KLHL29: variants seen among roughly 807,000 people sequenced by gnomAD.
KLHL29 encodes kelch-like protein 29.
A neutral mutation model predicts 80.4 loss-of-function variants in KLHL29; 21 were observed. The ratio of observed to expected loss-of-function variants is 0.26; its 90% CI spans 0.19 to 0.38. The LOEUF is 0.38. Ranked by LOEUF, KLHL29 falls within the 10% of genes least tolerant of loss-of-function variation. KLHL29 has a pLI of 1.00. For synonymous variants in KLHL29, 511 were observed against 526.8 expected (o/e 0.97, Z 0.41); for missense variants, 867 against 1,223.9 (o/e 0.71, Z 4.35).
rs767746170 is a variant in KLHL29, at chr2:23,686,394, G to A, written c.1079+1857G>A. ...CCTGGGTCCTACGCCTGACTCCGCC[G>A]CTTGTCTTGTGACCTCAGACTGGTC... On this transcript the variant is annotated intron_variant, in intron 6 of 13. Transcript: ENST00000486442. Among the ~76,000 whole-genome samples the A allele has an allele frequency of 2.0e-5, 3 of 152,182 alleles. No homozygotes were observed. In the South Asian group the frequency reaches 6.2e-4, roughly 32 times the overall value.
chr2:23,686,383 C>A (rs531807205), intron 6 of KLHL29, among the ~76,000 whole-genome samples: 183 of 152,198 alleles, frequency 1.2e-3, no homozygotes, highest in Non-Finnish European at 2.4e-3. Flanking sequence ...GGTCCTACGC[C>A]TGACTCCGCC....
At chr2:23,451,976 A>C (rs1271083314) in intron 1 of KLHL29, among the ~76,000 whole-genome samples, 3 of 151,890 alleles carry the variant, frequency 2.0e-5, no homozygotes, top group African/African-American at 2.4e-5. Context: ...CTGTCACATG[A>C]CGAGAGGGGG....
intron 3 of KLHL29, among the ~76,000 whole-genome samples, chr2:23,572,480 G>A (rs1289771670): frequency 1.3e-5 from 2 of 152,148 alleles, no homozygotes; most frequent in African/African-American, 4.8e-5. Flanking sequence ...GTCTCCTTAT[G>A]AGGCAGCGAA....
At chr2:23,504,657 TG>T (rs1437323378) in intron 2 of KLHL29, among the ~76,000 whole-genome samples, 1 of 152,162 alleles carries the variant, frequency 6.6e-6, no homozygotes, top group Non-Finnish European at 1.5e-5. Flanking sequence ...AGGCACTAAC[TG>T]GGCCAGAAAA....
intron 2 of KLHL29, among the ~76,000 whole-genome samples, chr2:23,561,201 C>G (rs1431263509): frequency 6.6e-6 from 1 of 152,224 alleles, no homozygotes; most frequent in Non-Finnish European, 1.5e-5. Context: ...GCCTCTGAGA[C>G]CGACAGCTTC....
rs551526332 is a variant in KLHL29 at position 23,431,548 on chromosome 2, G to A, written c.-153-44012G>A. On this transcript the variant is annotated intron_variant, in intron 1 of 13. Coordinates refer to ENST00000486442, the MANE Select transcript of KLHL29 (RefSeq NM_052920.2). Reference sequence around the variant, plus strand: ...CCCTCAGTAGCTGCCGTGAACATGGGCAGTGGGAGATTATTCTTCATTTCA... The same window carrying A: ...CCCTCAGTAGCTGCCGTGAACATGGACAGTGGGAGATTATTCTTCATTTCA... Among the ~76,000 whole-genome samples the A allele has an allele frequency of 2.0e-5, 3 of 152,314 alleles. No individual in the cohort carries two copies. In the East Asian group the frequency reaches 5.8e-4, roughly 29 times the overall value.
At chr2:23,421,554 GTGTGTGTGTGTCTGTAGC>G (rs1662804379) in intron 1 of KLHL29, among the ~76,000 whole-genome samples, 1 of 108,246 alleles carries the variant, frequency 9.2e-6, no homozygotes, top group African/African-American at 4.0e-5. Context: ...GTGTGTGTGT[GTGTGTGTGTGTCTGTAGC>G]TGTGTGTGTC....
At chr2:23,703,426 G>T (rs936688701) in intron 12 of KLHL29, 47 bp downstream of exon 12, 1 of 1,400,366 alleles carries the variant, frequency 7.1e-7, no homozygotes, top group Non-Finnish European at 9.4e-7. Context: ...TCGCATCCCT[G>T]CCTTGCTGAT....
chr2:23,527,597 A>T (rs1390431536), intron 2 of KLHL29, among the ~76,000 whole-genome samples: 2 of 152,230 alleles, frequency 1.3e-5, no homozygotes, highest in South Asian at 4.1e-4. Context: ...AGCCTTTCTC[A>T]GCGAAGAGTC....
intron 1 of KLHL29, among the ~76,000 whole-genome samples, chr2:23,466,137 G>A (rs1664346762): frequency 6.6e-6 from 1 of 152,136 alleles, no homozygotes; most frequent in Non-Finnish European, 1.5e-5. Context: ...TGTGAGTGCT[G>A]ATGGATTACT....
chr2:23,559,978 C>T (rs11885607), intron 2 of KLHL29, among the ~76,000 whole-genome samples: 2,378 of 152,146 alleles, frequency 0.016, 59 homozygotes, highest in African/African-American at 0.054. Flanking sequence ...AGGAGGGTTC[C>T]GGAAAGCAAG....
intron 5 of KLHL29, among the ~76,000 whole-genome samples, chr2:23,650,848 G>A (rs1186362071): frequency 6.6e-6 from 1 of 152,190 alleles, no homozygotes; most frequent in Non-Finnish European, 1.5e-5. Flanking sequence ...TTTTCTAGAG[G>A]TTGGGAGGAG....
intron 1 of KLHL29, among the ~76,000 whole-genome samples, chr2:23,415,224 T>C (rs1444098643): frequency 2.6e-5 from 4 of 152,204 alleles, no homozygotes; most frequent in Non-Finnish European, 5.9e-5. Flanking sequence ...TAAGTGAATT[T>C]GCCATTTTCA....
chr2:23,662,926 TCTC>T (rs1670453656), intron 5 of KLHL29, among the ~76,000 whole-genome samples: 1 of 152,160 alleles, frequency 6.6e-6, no homozygotes, highest in African/African-American at 2.4e-5. Flanking sequence ...CGGATTCAAA[TCTC>T]CACTCTGCCA....
rs769363801 is a variant in KLHL29 at position 23,654,695 on chromosome 2, T to TGGGGG, written c.940+11845_940+11846insGGGGG. Reference sequence around the variant, plus strand: ...CTTCTCTTCCAGAAGGGAACAGAGGTTGGGGGGGGGGGGTGGATGTTTTGT... The same window carrying TGGGGG: ...CTTCTCTTCCAGAAGGGAACAGAGGTGGGGGTGGGGGGGGGGGGTGGATGTTTTGT... On this transcript the variant is annotated intron_variant, in intron 5 of 13. Coordinates refer to ENST00000486442, the MANE Select transcript of KLHL29 (RefSeq NM_052920.2). Among the ~76,000 whole-genome samples, 113 of 34,148 alleles carry TGGGGG rather than the reference T, an allele frequency of 3.3e-3. 11 individuals are homozygous for TGGGGG. Among genetic ancestry groups the TGGGGG allele is most frequent in the Non-Finnish European group, 6.2e-3 (84 of 13,518 alleles). 22.4% of individuals were successfully genotyped at this position (34,148 alleles called of 152,430 possible).
At chr2:23,597,925 C>T (rs1042914699) in intron 3 of KLHL29, among the ~76,000 whole-genome samples, 7 of 152,198 alleles carry the variant, frequency 4.6e-5, no homozygotes, top group African/African-American at 1.7e-4. Flanking sequence ...ACTCCTCCAT[C>T]TCAGTGGGAG....
At chr2:23,703,017 A>G (rs1455844413) in intron 11 of KLHL29, among the ~76,000 whole-genome samples, 169 bp from the exon 12 acceptor site, 1 of 152,234 alleles carries the variant, frequency 6.6e-6, no homozygotes, top group African/African-American at 2.4e-5. Context: ...ACGAGACCCC[A>G]GGAGGTCTTG....
chr2:23,495,702 G>T (rs774956151), intron 2 of KLHL29, among the ~76,000 whole-genome samples: 5 of 152,166 alleles, frequency 3.3e-5, no homozygotes, highest in Non-Finnish European at 7.3e-5. Context: ...TCCTGGCATC[G>T]TGTCAGGGCC....
At chr2:23,493,691 A>G (rs1316930230) in intron 2 of KLHL29, among the ~76,000 whole-genome samples, 1 of 151,882 alleles carries the variant, frequency 6.6e-6, no homozygotes. Context: ...GTGTGTGTGC[A>G]TGTTTATGCG....
Sources: gnomAD v4.1 joint callset for allele counts (sites outside exome capture counted in the v4.1 genomes callset) on GRCh38, gnomAD v4.1.1 for gene constraint, MANE v1.5 for transcripts, NCBI Gene and HGNC (gene_info 2026-07-23, HGNC 2026-07-21) for gene names.